OSBP2: variants seen among roughly 807,000 people sequenced by gnomAD.
OSBP2 encodes the protein oxysterol binding protein 2.
Under a neutral mutation model 96.0 loss-of-function variants are expected in OSBP2, and 66 were observed. That is an observed-to-expected ratio of 0.69 (90% confidence interval 0.56 to 0.84). The LOEUF is 0.84. Ranked by LOEUF, OSBP2 falls within the 40% of genes least tolerant of loss-of-function variation. The probability of loss-of-function intolerance (pLI) is 0.00; values close to 1 mark genes in which losing one functional copy is unlikely to be tolerated. For synonymous variants in OSBP2, 525 were observed against 520.9 expected (o/e 1.01, Z -0.11); for missense variants, 1,038 against 1,222.7 (o/e 0.85, Z 2.25).
chr22:30,888,787 T>C (rs1335713884), intron 5 of OSBP2, among the ~76,000 whole-genome samples: 2 of 152,158 alleles, frequency 1.3e-5, no homozygotes, highest in Non-Finnish European at 2.9e-5. Context: ...GTGAGCCTCA[T>C]AGAGTATACT....
chr22:30,735,027 C>T (rs1457352161), intron 1 of OSBP2, among the ~76,000 whole-genome samples: 1 of 151,810 alleles, frequency 6.6e-6, no homozygotes, highest in African/African-American at 2.4e-5. Flanking sequence ...CTTGTCTCTA[C>T]CAAAAACAAA....
At chr22:30,820,741 G>A (rs2038255651) in intron 2 of OSBP2, among the ~76,000 whole-genome samples, 1 of 152,236 alleles carries the variant, frequency 6.6e-6, no homozygotes, top group South Asian at 2.1e-4. Context: ...CTATCGCTAG[G>A]ACCATTTCCA....
chr22:30,787,313 A>G (rs1216894108), intron 2 of OSBP2, among the ~76,000 whole-genome samples: 1 of 152,094 alleles, frequency 6.6e-6, no homozygotes, highest in African/African-American at 2.4e-5. Context: ...GACGAATGGG[A>G]GCTAAGAGGA....
chr22:30,718,462 A>G (rs2089496838), intron 1 of OSBP2, among the ~76,000 whole-genome samples: 1 of 152,176 alleles, frequency 6.6e-6, no homozygotes, highest in Non-Finnish European at 1.5e-5. Context: ...AAGGAGGAGG[A>G]GGAGAGATGA....
At chr22:30,801,830 A>G (rs1485582300) in intron 2 of OSBP2, among the ~76,000 whole-genome samples, 1 of 152,096 alleles carries the variant, frequency 6.6e-6, no homozygotes, top group Non-Finnish European at 1.5e-5. Flanking sequence ...AAAAAATCCT[A>G]GCTAGATATG....
intron 2 of OSBP2, chr22:30,822,422 G>A: frequency 1.0e-6 from 1 of 990,778 alleles, no homozygotes; most frequent in Non-Finnish European, 1.3e-6. Context: ...CTCAGGCTGG[G>A]CTCGGCTCCC....
intron 1 of OSBP2, among the ~76,000 whole-genome samples, chr22:30,696,015 A>T (rs188639487): frequency 1.3e-5 from 2 of 152,310 alleles, no homozygotes; most frequent in African/African-American, 4.8e-5. Flanking sequence ...CGCCTGGGGC[A>T]GTTACTCCCA....
Position 30,834,553 on chromosome 22 carries a change from G to A in OSBP2, c.854-35876G>A, listed in dbSNP as rs141060700. On this transcript the variant is annotated intron_variant, in intron 2 of 13. Transcript: ENST00000332585. ...TTTAATCACTGTCATCCTGTTGGAA[G>A]TGAAGTAGTTATTTCATGGTGGTTT... is the stretch of plus-strand genomic sequence containing the variant. 2.7e-3 allele frequency among the ~76,000 whole-genome samples: 407 copies of A among 152,280 alleles called. 3 individuals are homozygous for A. The highest frequency in any genetic ancestry group is 9.4e-3 in the African/African-American group (392 of 41,546).
At chr22:30,752,690 G>A (rs951438948) in intron 2 of OSBP2, among the ~76,000 whole-genome samples, 3 of 152,110 alleles carry the variant, frequency 2.0e-5, no homozygotes, top group African/African-American at 2.4e-5. Flanking sequence ...CACACTCTTA[G>A]TTCTCTCCTG....
chr22:30,869,248 CATG>C (rs976503077), intron 2 of OSBP2, among the ~76,000 whole-genome samples: 35 of 152,234 alleles, frequency 2.3e-4, no homozygotes, highest in Non-Finnish European at 1.6e-4. Context: ...CTGCCTCTCT[CATG>C]GAGGCCTCAG....
At chr22:30,703,169 A>ATT (rs36121870) in intron 1 of OSBP2, among the ~76,000 whole-genome samples, 4 of 147,622 alleles carry the variant, frequency 2.7e-5, no homozygotes, top group African/African-American at 9.9e-5. Flanking sequence ...CCAGTATCTT[A>ATT]TTTTTTTTTT....
chr22:30,864,892 GTTAGT>G (rs1305993948), intron 2 of OSBP2, among the ~76,000 whole-genome samples: 1 of 151,228 alleles, frequency 6.6e-6, no homozygotes, highest in Non-Finnish European at 1.5e-5. Context: ...TGAGGGCAAA[GTTAGT>G]TTCCCCGAAA....
At chr22:30,756,529 G>A (rs1327772840) in intron 2 of OSBP2, among the ~76,000 whole-genome samples, 2 of 152,008 alleles carry the variant, frequency 1.3e-5, no homozygotes, top group Non-Finnish European at 2.9e-5. Flanking sequence ...CCCGTCTCTA[G>A]TAAAAATACA....
At chr22:30,740,914 C>T (rs542013172) in intron 1 of OSBP2, among the ~76,000 whole-genome samples, 1 of 152,212 alleles carries the variant, frequency 6.6e-6, no homozygotes, top group Non-Finnish European at 1.5e-5. Flanking sequence ...ACACTCCCTG[C>T]ACACGTGGCA....
Position 30,889,245 on chromosome 22 carries a change from G to C in OSBP2, c.1476+11G>C, listed in dbSNP as rs1469734411. The C allele has an allele frequency of 3.1e-6, 5 of 1,612,346 alleles. No homozygotes were observed. The highest frequency in any genetic ancestry group is 1.1e-5 in the South Asian group (1 of 90,974). Reference sequence around the variant, plus strand: ...AGCTCAGCAGACAATGTAAGTGAGGGGGAGCACTGTAAGGGCCAGAAGGCA... The same window carrying C: ...AGCTCAGCAGACAATGTAAGTGAGGCGGAGCACTGTAAGGGCCAGAAGGCA... On this transcript the variant is annotated intron_variant, in intron 6 of 13. Transcript: ENST00000332585.
intron 2 of OSBP2, among the ~76,000 whole-genome samples, chr22:30,859,436 C>G (rs1410427223): frequency 6.6e-6 from 1 of 152,256 alleles, no homozygotes; most frequent in Non-Finnish European, 1.5e-5. Context: ...TCAGGGATTG[C>G]TGACCCCACA....
chr22:30,697,386 C>T (rs2089062518), intron 1 of OSBP2, among the ~76,000 whole-genome samples: 2 of 152,142 alleles, frequency 1.3e-5, no homozygotes, highest in Admixed American at 1.3e-4. Context: ...TCAAGCAGTT[C>T]TCCTGCCTCA....
intron 1 of OSBP2, among the ~76,000 whole-genome samples, chr22:30,734,786 C>G (rs2089826099): frequency 6.6e-6 from 1 of 152,178 alleles, no homozygotes; most frequent in African/African-American, 2.4e-5. Flanking sequence ...AATTCTAAGA[C>G]TAGCAAATGT....
intron 2 of OSBP2, among the ~76,000 whole-genome samples, chr22:30,834,029 T>C (rs1418133697): frequency 1.3e-5 from 2 of 152,074 alleles, no homozygotes; most frequent in Non-Finnish European, 2.9e-5. Context: ...TATCCTTCCA[T>C]ACATCCCTCT....
Sources: gnomAD v4.1 joint callset for allele counts (sites outside exome capture counted in the v4.1 genomes callset) on GRCh38, gnomAD v4.1.1 for gene constraint, MANE v1.5 for transcripts, NCBI Gene and HGNC (gene_info 2026-07-23, HGNC 2026-07-21) for gene names.